The following MGAT4C variants were observed in gnomAD, a reference collection of about 807,000 sequenced individuals.
MGAT4C encodes MGAT4 family member C, also known as alpha-1,3-mannosyl-glycoprotein 4-beta-N-acetylglucosaminyltransferase C.
A neutral mutation model predicts 40.1 loss-of-function variants in MGAT4C; 19 were observed. The observed-to-expected ratio is 0.47, with a 90% CI of 0.33 to 0.70. The LOEUF (loss-of-function observed/expected upper bound fraction) is 0.70. Among genes scored for constraint, MGAT4C ranks in the 30% least tolerant of loss-of-function variants. The pLI is 0.02. For synonymous variants in MGAT4C, 181 were observed against 187.1 expected, an observed-to-expected ratio of 0.97 and a Z score of 0.27; for missense variants, 491 against 563.2, an observed-to-expected ratio of 0.87 and a Z score of 1.30.
chr12:86,236,576 A>C (rs1213029849), intron 1 of MGAT4C, among the ~76,000 whole-genome samples: 2 of 152,002 alleles, frequency 1.3e-5, no homozygotes, highest in Non-Finnish European at 2.9e-5. Context: ...CAAGTGCCAA[A>C]AAGTTGCCAC....
At chr12:86,433,756 T>C (rs1430786418) in intron 3 of MGAT4C, among the ~76,000 whole-genome samples, 2 of 152,040 alleles carry the variant, frequency 1.3e-5, no homozygotes, top group African/African-American at 4.8e-5. Context: ...CATTAAAGCA[T>C]AGAATTATTT....
At chr12:86,125,193 T>A (rs1880043469) in intron 1 of MGAT4C, among the ~76,000 whole-genome samples, 1 of 152,136 alleles carries the variant, frequency 6.6e-6, no homozygotes, top group African/African-American at 2.4e-5. Context: ...TGGTTATAAA[T>A]CTGAATCTCA....
intron 1 of MGAT4C, among the ~76,000 whole-genome samples, chr12:86,084,291 G>C (rs1379147555): frequency 6.6e-6 from 1 of 152,068 alleles, no homozygotes; most frequent in Admixed American, 6.6e-5. Context: ...TGAGGAGGTG[G>C]TTAGGAAATG....
intron 1 of MGAT4C, among the ~76,000 whole-genome samples, chr12:86,809,048 T>C (rs530008215): frequency 1.1e-4 from 16 of 152,004 alleles, no homozygotes; most frequent in Non-Finnish European, 1.6e-4. Flanking sequence ...ACAAAGAGAA[T>C]AAAATACCTA....
At chr12:86,811,946 T>C (rs1395255873) in intron 1 of MGAT4C, among the ~76,000 whole-genome samples, 2 of 152,266 alleles carry the variant, frequency 1.3e-5, no homozygotes, top group Non-Finnish European at 2.9e-5. Flanking sequence ...TGTAAGCACT[T>C]CATGCTATAC....
At chr12:86,708,797 T>C (rs1311063002) in intron 2 of MGAT4C, among the ~76,000 whole-genome samples, 2 of 152,222 alleles carry the variant, frequency 1.3e-5, no homozygotes, top group African/African-American at 2.4e-5. Context: ...CTCTTTGTTT[T>C]GGCCATTATC....
chr12:86,132,963 C>A (rs73387118), intron 1 of MGAT4C, among the ~76,000 whole-genome samples: 17,074 of 151,802 alleles, frequency 0.11, 2,066 homozygotes, highest in African/African-American at 0.3. Context: ...GTTTCTTTAC[C>A]GAGTCTATAT....
chr12:86,180,908 A>G (rs759423933), intron 1 of MGAT4C, among the ~76,000 whole-genome samples: 26 of 152,170 alleles, frequency 1.7e-4, no homozygotes, highest in Middle Eastern at 3.2e-3. Context: ...TGATTTTCAA[A>G]TGTAAGGACA....
At chr12:86,490,692 G>A (rs531553936) in intron 2 of MGAT4C, among the ~76,000 whole-genome samples, 1 of 151,888 alleles carries the variant, frequency 6.6e-6, no homozygotes, top group African/African-American at 2.4e-5. Context: ...ACACACATAG[G>A]CTCAAAATAA....
chr12:86,570,857 A>C (rs1191905746), intron 2 of MGAT4C, among the ~76,000 whole-genome samples: 1 of 152,170 alleles, frequency 6.6e-6, no homozygotes, highest in South Asian at 2.1e-4. Context: ...TCTGTCATCC[A>C]GGCTGGAATG....
chr12:86,202,644 A>G (rs1327178361), intron 1 of MGAT4C, among the ~76,000 whole-genome samples: 1 of 151,932 alleles, frequency 6.6e-6, no homozygotes, highest in Non-Finnish European at 1.5e-5. Flanking sequence ...ATATTACTTG[A>G]TATTTTCCTA....
intron 2 of MGAT4C, among the ~76,000 whole-genome samples, chr12:86,653,593 TA>T (rs750194661): frequency 2.6e-5 from 4 of 151,982 alleles, no homozygotes; most frequent in Non-Finnish European, 5.9e-5. Flanking sequence ...AAAAAAGACA[TA>T]ACTATTGGTG....
chr12:86,753,611 A>G (rs947622217), intron 1 of MGAT4C, among the ~76,000 whole-genome samples: 3 of 152,048 alleles, frequency 2.0e-5, no homozygotes, highest in African/African-American at 7.2e-5. Context: ...AGACTATTTC[A>G]AAGCATACAT....
chr12:86,562,706 A>G (rs1959927263), intron 2 of MGAT4C, among the ~76,000 whole-genome samples: 1 of 152,048 alleles, frequency 6.6e-6, no homozygotes, highest in Admixed American at 6.6e-5. Flanking sequence ...ACCCATGAGG[A>G]GGTGCACTAC....
chr12:86,315,544 T>C (rs1429237125), intron 4 of MGAT4C, among the ~76,000 whole-genome samples: 2 of 30,776 alleles, frequency 6.5e-5, no homozygotes, highest in African/African-American at 2.3e-4. Flanking sequence ...CTACTAAAAA[T>C]ATAAAAAAAA....
chr12:86,814,306 ATATATACG>A (rs1330464154), intron 1 of MGAT4C, among the ~76,000 whole-genome samples: 39 of 4,610 alleles, frequency 8.5e-3, no homozygotes, highest in East Asian at 0.056. Context: ...ATATACGTAT[ATATATACG>A]TATATATACA....
At chr12:86,509,784 G>C (rs895078268) in intron 2 of MGAT4C, among the ~76,000 whole-genome samples, 1 of 152,234 alleles carries the variant, frequency 6.6e-6, no homozygotes, top group Admixed American at 6.5e-5. Context: ...CACATCCCTT[G>C]TAAGTTGGAT....
At chr12:86,507,366 T>C (rs928284066) in intron 2 of MGAT4C, among the ~76,000 whole-genome samples, 25 of 152,318 alleles carry the variant, frequency 1.6e-4, no homozygotes, top group Non-Finnish European at 3.5e-4. Flanking sequence ...TTATGTAACC[T>C]TTATTTGGCT....
intron 1 of MGAT4C, among the ~76,000 whole-genome samples, chr12:86,119,918 A>G (rs1879097406): frequency 6.6e-6 from 1 of 151,798 alleles, no homozygotes; most frequent in South Asian, 2.1e-4. Context: ...GAGTGTGTCA[A>G]AAGGAAATGC....
Sources: gnomAD v4.1 joint callset for allele counts (sites outside exome capture counted in the v4.1 genomes callset) on GRCh38, gnomAD v4.1.1 for gene constraint, MANE v1.5 for transcripts, NCBI Gene and HGNC (gene_info 2026-07-23, HGNC 2026-07-21) for gene names.